LIN52: variants seen among roughly 807,000 people sequenced by gnomAD.
LIN52 encodes the protein protein lin-52 homolog.
A neutral mutation model predicts 18.5 loss-of-function variants in LIN52; 4 were observed. The observed-to-expected ratio is 0.22, with a 90% confidence interval of 0.11 to 0.49. The LOEUF is 0.49. Ranked by LOEUF, LIN52 falls within the 20% of genes least tolerant of loss-of-function variation. LIN52 has a pLI of 0.97. For missense variants in LIN52, 102 were observed against 139.5 expected (o/e 0.73, Z 1.35); for synonymous variants, 34 against 45.5 (o/e 0.75, Z 1.02).
intron 5 of LIN52, among the ~76,000 whole-genome samples, chr14:74,169,730 T>C (rs2061263111): frequency 1.3e-5 from 2 of 152,230 alleles, no homozygotes; most frequent in African/African-American, 4.8e-5. Flanking sequence ...TTGCCAATCA[T>C]GTGTTTCTGT....
At chr14:74,120,351 G>C (rs1017350061) in intron 5 of LIN52, among the ~76,000 whole-genome samples, 5 of 151,646 alleles carry the variant, frequency 3.3e-5, no homozygotes, top group African/African-American at 1.2e-4. Flanking sequence ...AGGCGCAGTG[G>C]CTCATACCTG....
chr14:74,096,550 A>T (rs2060814710), intron 3 of LIN52, among the ~76,000 whole-genome samples: 2 of 151,718 alleles, frequency 1.3e-5, no homozygotes, highest in South Asian at 4.2e-4. Context: ...GTTGATTTGG[A>T]GGTAAATGAC....
intron 1 of LIN52, among the ~76,000 whole-genome samples, chr14:74,090,296 G>C (rs1327430184): frequency 6.6e-6 from 1 of 151,528 alleles, no homozygotes. Context: ...TGGGATTATA[G>C]GCATGAGGCA....
rs756482684 is a variant in LIN52, at chr14:74,101,127, G to T, written c.200-28G>T. On this transcript the variant is annotated intron_variant, in intron 4 of 5. Transcript: ENST00000555028. ...CTACTAGAGAAGAGTGGAAAGAAAT[G>T]ATGTTGAAATAAATGATTCTGTTTC... The T allele has an allele frequency of 3.0e-5, 47 of 1,580,700 alleles. 1 individual carries two copies. In the South Asian group the frequency reaches 4.9e-4, roughly 17 times the overall value.
At chr14:74,194,715 G>A (rs1478549468) in intron 5 of LIN52, among the ~76,000 whole-genome samples, 1 of 152,140 alleles carries the variant, frequency 6.6e-6, no homozygotes, top group Non-Finnish European at 1.5e-5. Flanking sequence ...TGACATAGGG[G>A]TCATGCTTCT....
rs546268647 is a variant in LIN52, at chr14:74,110,804, A to T, written c.283+9566A>T. ...ACAGTGAAACCCCGTCTCTACTAAAAATACAAAAAAAGTTAGCCGGGCGTG... is the reference window on the plus strand; with the variant it reads ...ACAGTGAAACCCCGTCTCTACTAAATATACAAAAAAAGTTAGCCGGGCGTG... On this transcript the variant is annotated intron_variant, in intron 5 of 5. Transcript: ENST00000555028. Among the ~76,000 whole-genome samples the T allele has an allele frequency of 5.9e-5, 9 of 151,754 alleles. No homozygotes were observed. In the South Asian group the frequency reaches 1.5e-3, roughly 25 times the overall value.
intron 4 of LIN52, among the ~76,000 whole-genome samples, chr14:74,099,988 G>T (rs1416543524): frequency 6.6e-6 from 1 of 152,234 alleles, no homozygotes; most frequent in Non-Finnish European, 1.5e-5. Flanking sequence ...ACAGTATGCT[G>T]TCTTTTTACT....
In LIN52 at chr14:74,148,195, C is replaced by G. The variant is rs116396416; in HGVS notation, c.283+46957C>G. Among the ~76,000 whole-genome samples, 795 of 152,088 alleles carry G rather than the reference C, an allele frequency of 5.2e-3. 2 individuals carry two copies. The highest frequency in any genetic ancestry group is 0.018 in the African/African-American group (745 of 41,490). On this transcript the variant is annotated intron_variant, in intron 5 of 5. Transcript: ENST00000555028. ...CATGAATAAGTCCCTTCTAACTCTC[C>G]TCTTCCCTTTATTATTTCGCAAAAT...
intron 5 of LIN52, among the ~76,000 whole-genome samples, chr14:74,128,553 G>A (rs998191299): frequency 6.6e-5 from 10 of 152,206 alleles, no homozygotes; most frequent in African/African-American, 2.2e-4. Context: ...TCTTGCCTCT[G>A]TAGTGTGGAA....
chr14:74,172,091 T>G (rs2061274237), intron 5 of LIN52, among the ~76,000 whole-genome samples: 1 of 152,260 alleles, frequency 6.6e-6, no homozygotes, highest in Non-Finnish European at 1.5e-5. Flanking sequence ...TTTGTGTCTG[T>G]AATGTTTGAA....
rs767611597 is a variant in LIN52 at position 74,173,345 on chromosome 14, G to A, written c.284-25577G>A. On this transcript the variant is annotated intron_variant, in intron 5 of 5. Transcript: ENST00000555028. ...TGGGATTACAGGCTTGCACCACCAC[G>A]CCTGGCTAATTTTGTATTTTTAGTA... Among the ~76,000 whole-genome samples the A allele has an allele frequency of 7.3e-4, 111 of 152,110 alleles. No individual in the cohort carries two copies. In the Middle Eastern group the frequency reaches 0.01, roughly 14 times the overall value.
intron 5 of LIN52, chr14:74,114,210 G>GTT (rs1242333205): frequency 2.3e-6 from 2 of 854,594 alleles, no homozygotes; most frequent in Non-Finnish European, 1.4e-6. Context: ...GTGTGTGTGT[G>GTT]TGTAGTTTTA....
chr14:74,106,747 T>C (rs1161917089), intron 5 of LIN52, among the ~76,000 whole-genome samples: 1 of 152,124 alleles, frequency 6.6e-6, no homozygotes, highest in Non-Finnish European at 1.5e-5. Context: ...TGCACCACCA[T>C]GCCCAGCGTT....
At chr14:74,126,504 T>C (rs2061030964) in intron 5 of LIN52, among the ~76,000 whole-genome samples, 1 of 152,236 alleles carries the variant, frequency 6.6e-6, no homozygotes, top group Non-Finnish European at 1.5e-5. Flanking sequence ...AACAGATGAA[T>C]GAATAAACAA....
chr14:74,193,417 TA>T (rs34984934), intron 5 of LIN52, among the ~76,000 whole-genome samples: 87,132 of 147,608 alleles, frequency 0.59, 26,489 homozygotes, highest in Admixed American at 0.68. Flanking sequence ...TTGTCTCTTA[TA>T]AAAAAAAAAA....
chr14:74,089,772 G>C (rs1031831519), intron 1 of LIN52, among the ~76,000 whole-genome samples: 1 of 151,284 alleles, frequency 6.6e-6, no homozygotes, highest in African/African-American at 2.4e-5. Context: ...TATAAATATG[G>C]AGTCATTGGC....
intron 5 of LIN52, among the ~76,000 whole-genome samples, chr14:74,196,067 A>C (rs943542537): frequency 6.6e-5 from 10 of 152,160 alleles, no homozygotes; most frequent in Non-Finnish European, 1.5e-4. Context: ...GGGACTGGCG[A>C]GTAGGAAAAC....
At chr14:74,196,107 C>A (rs899332492) in intron 5 of LIN52, among the ~76,000 whole-genome samples, 3 of 152,130 alleles carry the variant, frequency 2.0e-5, no homozygotes, top group East Asian at 3.8e-4. Flanking sequence ...GAGATGATGT[C>A]TTTTGAATTA....
intron 5 of LIN52, among the ~76,000 whole-genome samples, chr14:74,151,254 T>A (rs978857359): frequency 2.0e-5 from 3 of 152,172 alleles, no homozygotes; most frequent in African/African-American, 7.2e-5. Context: ...ATTTTATTAT[T>A]TTTTTCCATA....
Sources: gnomAD v4.1 joint callset for allele counts (sites outside exome capture counted in the v4.1 genomes callset) on GRCh38, gnomAD v4.1.1 for gene constraint, MANE v1.5 for transcripts, NCBI Gene and HGNC (gene_info 2026-07-23, HGNC 2026-07-21) for gene names.